ACTR2: variants seen among roughly 807,000 people sequenced by gnomAD.
The protein encoded by ACTR2 is actin-related protein 2.
ACTR2 carries 5 observed loss-of-function variants against 50.2 expected under a neutral mutation model. That is an observed-to-expected ratio of 0.10 (90% CI 0.05 to 0.21). The LOEUF (loss-of-function observed/expected upper bound fraction) is 0.21, where lower values mean the gene tolerates loss of function less well. ACTR2 is among the 10% of genes least tolerant of loss of function. ACTR2 has a pLI of 1.00. For missense variants in ACTR2, 180 were observed against 480.6 expected, an observed-to-expected ratio of 0.37 and a Z score of 5.85; for synonymous variants, 140 against 162.9, an observed-to-expected ratio of 0.86 and a Z score of 1.07.
intron 6 of ACTR2, among the ~76,000 whole-genome samples, chr2:65,260,297 C>T (rs1672243780): frequency 6.6e-6 from 1 of 152,194 alleles, no homozygotes; most frequent in Admixed American, 6.5e-5. Flanking sequence ...CACCTGAGGC[C>T]AGGAGTTCAA....
chr2:65,265,427 A>T (rs1439703818), intron 8 of ACTR2, among the ~76,000 whole-genome samples: 1 of 152,190 alleles, frequency 6.6e-6, no homozygotes, highest in Non-Finnish European at 1.5e-5. Context: ...ACCAGCACGG[A>T]CTCTGAGGCA....
intron 3 of ACTR2, among the ~76,000 whole-genome samples, chr2:65,249,365 T>C (rs1672001705): frequency 6.6e-6 from 1 of 152,226 alleles, no homozygotes; most frequent in African/African-American, 2.4e-5. Flanking sequence ...TGATTTCTTA[T>C]GGCTTATATT....
intron 2 of ACTR2, among the ~76,000 whole-genome samples, chr2:65,240,481 G>A (rs1671819711): frequency 6.6e-6 from 1 of 152,076 alleles, no homozygotes; most frequent in Non-Finnish European, 1.5e-5. Context: ...TGTGCAGAAG[G>A]AAGCCATTCA....
At chr2:65,250,566 A>G (rs1419758914) in intron 3 of ACTR2, among the ~76,000 whole-genome samples, 12 of 135,136 alleles carry the variant, frequency 8.9e-5, no homozygotes, top group Middle Eastern at 5.4e-3. Context: ...CCAGCTACTC[A>G]GGAGGCTGAG....
At chr2:65,266,699 G>A (rs999713937) in intron 8 of ACTR2, among the ~76,000 whole-genome samples, 1 of 152,108 alleles carries the variant, frequency 6.6e-6, no homozygotes, top group Non-Finnish European at 1.5e-5. Flanking sequence ...ACTGAGAGGA[G>A]GGGAGGGATG....
intron 3 of ACTR2, among the ~76,000 whole-genome samples, chr2:65,248,315 G>A (rs761002834): frequency 2.0e-5 from 3 of 151,964 alleles, no homozygotes; most frequent in African/African-American, 2.4e-5. Flanking sequence ...CAGGAGAATC[G>A]CTTGAACCCA....
intron 3 of ACTR2, among the ~76,000 whole-genome samples, chr2:65,249,413 A>G (rs1031855581): frequency 1.3e-5 from 2 of 152,180 alleles, no homozygotes; most frequent in South Asian, 2.1e-4. Context: ...AAATATGTCT[A>G]TGACTGATAG....
At chr2:65,230,468 A>G (rs949890377) in intron 1 of ACTR2, among the ~76,000 whole-genome samples, 1 of 134,008 alleles carries the variant, frequency 7.5e-6, no homozygotes, top group Non-Finnish European at 1.5e-5. Context: ...CTGGAGAGCG[A>G]TGGCGTGATC....
chr2:65,232,194 C>T (rs1671650610), intron 1 of ACTR2, among the ~76,000 whole-genome samples: 1 of 152,162 alleles, frequency 6.6e-6, no homozygotes, highest in Non-Finnish European at 1.5e-5. Context: ...ACGAGCTAGG[C>T]CCAGGCCCCT....
In ACTR2 at chr2:65,259,055, C is replaced by T. The variant is rs573738723; in HGVS notation, c.736-2192C>T. On this transcript the variant is annotated intron_variant, in intron 6 of 8. Transcript: ENST00000260641. ...TGGCATGATCTCGGCTCACTTCAGTCTCAATCTCCCAGGGTTAGGTGATCC... is the reference window on the plus strand; with the variant it reads ...TGGCATGATCTCGGCTCACTTCAGTTTCAATCTCCCAGGGTTAGGTGATCC... 8.6e-5 allele frequency among the ~76,000 whole-genome samples: 13 copies of T among 151,944 alleles called. No individual in the cohort carries two copies. The East Asian group carries it at 2.5e-3, about 29-fold the overall frequency.
chr2:65,268,549 TTC>T lies in ACTR2; in HGVS notation c.1015-13_1015-12del. The stretch of plus-strand genomic sequence containing the variant: ...TGCACATGTACCATTTCATTATCCT[TTC>T]TTTCTCCTTTAGAAATTTAAGATCC... On this transcript the variant is annotated splice_polypyrimidine_tract_variant and intron_variant, in intron 8 of 8. Coordinates refer to ENST00000260641, the MANE Select transcript of ACTR2 (RefSeq NM_005722.4). 6.2e-7 allele frequency: 1 copy of T among 1,607,414 alleles called. No homozygotes were observed. The highest frequency in any genetic ancestry group is 8.5e-7 in the Non-Finnish European group (1 of 1,177,612).
At chr2:65,234,892 C>T (rs562961312) in intron 1 of ACTR2, among the ~76,000 whole-genome samples, 5 of 152,074 alleles carry the variant, frequency 3.3e-5, no homozygotes, top group East Asian at 1.9e-4. Context: ...CATTTTCATC[C>T]GGATAAATGG....
intron 4 of ACTR2, among the ~76,000 whole-genome samples, chr2:65,253,031 A>C (rs912815226): frequency 1.3e-5 from 2 of 152,248 alleles, no homozygotes; most frequent in Non-Finnish European, 2.9e-5. Flanking sequence ...AATTTTTCTT[A>C]GATTTCTAGC....
At chr2:65,235,093 A>ATTTAAG (rs1239855481) in intron 1 of ACTR2, among the ~76,000 whole-genome samples, 1 of 152,174 alleles carries the variant, frequency 6.6e-6, no homozygotes, top group African/African-American at 2.4e-5. Context: ...CTTCCATATC[A>ATTTAAG]TTTAAGTTTG....
At chr2:65,229,711 G>GCGC (rs1553405842) in intron 1 of ACTR2, among the ~76,000 whole-genome samples, 1 of 132,792 alleles carries the variant, frequency 7.5e-6, no homozygotes, top group South Asian at 2.4e-4. Flanking sequence ...AGCCGAGATC[G>GCGC]CACCACTCCA....
At chr2:65,246,490 A>C (rs752021040) in intron 2 of ACTR2, 34 bp from the exon 3 acceptor site, 8 of 1,445,134 alleles carry the variant, frequency 5.5e-6, no homozygotes, top group Non-Finnish European at 6.6e-6. Context: ...TATTATGCAA[A>C]ACTTTGATCT....
intron 2 of ACTR2, chr2:65,242,797 C>T: frequency 3.9e-6 from 1 of 258,714 alleles, no homozygotes; most frequent in Non-Finnish European, 7.9e-6. Context: ...GTAGTAGATA[C>T]TTTTCAAGTT....
intron 3 of ACTR2, among the ~76,000 whole-genome samples, chr2:65,248,055 G>A (rs1338189620): frequency 1.3e-5 from 2 of 152,152 alleles, no homozygotes; most frequent in Non-Finnish European, 2.9e-5. Context: ...TGAGGAGAGA[G>A]CAACAGAAGA....
intron 2 of ACTR2, among the ~76,000 whole-genome samples, chr2:65,241,227 T>A (rs1032788887): frequency 6.6e-6 from 1 of 152,312 alleles, no homozygotes; most frequent in East Asian, 1.9e-4. Context: ...ATAAACTGTT[T>A]AATGAAGTTG....
Sources: allele counts gnomAD v4.1 joint callset (sites outside exome capture counted in the v4.1 genomes callset), GRCh38; gene constraint gnomAD v4.1.1; transcripts MANE v1.5; gene names NCBI Gene and HGNC (gene_info 2026-07-23, HGNC 2026-07-21).